TLN2: variants seen among roughly 807,000 people sequenced by gnomAD.
TLN2 encodes talin 2.
Under a neutral mutation model 294.7 loss-of-function variants are expected in TLN2, and 118 were observed. The observed-to-expected ratio is 0.40, with a 90% CI of 0.34 to 0.47. The LOEUF (loss-of-function observed/expected upper bound fraction) is 0.47. TLN2 is among the 20% of genes least tolerant of loss of function. The pLI, the probability that TLN2 is intolerant of heterozygous loss-of-function variation, is 0.84. For synonymous variants in TLN2, 1,431 were observed against 1,304.5 expected (o/e 1.10, Z -2.09); for missense variants, 3,083 against 3,282.2 (o/e 0.94, Z 1.48).
At chr15:62,574,165 G>A (rs962986767) in intron 1 of TLN2, among the ~76,000 whole-genome samples, 2 of 150,166 alleles carry the variant, frequency 1.3e-5, no homozygotes, top group African/African-American at 2.5e-5. Context: ...TCCAGGGACT[G>A]TCACTTCATT....
chr15:62,536,414 C>T (rs116181012), intron 1 of TLN2, among the ~76,000 whole-genome samples: 1,674 of 152,238 alleles, frequency 0.011, 35 homozygotes, highest in African/African-American at 0.037. Flanking sequence ...CTTGTTTTTT[C>T]TTCTGTGGCA....
intron 7 of TLN2, among the ~76,000 whole-genome samples, chr15:62,653,545 G>A (rs2052846299): frequency 6.6e-6 from 1 of 152,080 alleles, no homozygotes; most frequent in Admixed American, 6.6e-5. Flanking sequence ...CCAATATGGT[G>A]AAACCTCATC....
rs75160221 is a variant in TLN2, at chr15:62,427,331, A to G, written c.-238+36646A>G. Among the ~76,000 whole-genome samples, 121 of 152,240 alleles carry G rather than the reference A, an allele frequency of 7.9e-4. 1 individual carries two copies. Among genetic ancestry groups the G allele is most frequent in the African/African-American group, 2.8e-3 (116 of 41,542 alleles). On this transcript the variant is annotated intron_variant, in intron 1 of 58. Transcript: ENST00000636159. ...ACAGATCTATGGCTGGGCACAGAAA[A>G]TTCTGTCTACTTGGGGTTACTTACT...
rs143894400 is a variant in TLN2, at chr15:62,578,925, A to T, written c.-237-10762A>T. On this transcript the variant is annotated intron_variant, in intron 1 of 58. Transcript: ENST00000636159. Reference sequence around the variant, plus strand: ...CTTCTCTGTGTAGTCTTAGCACCCTATGTTGTGGACTGGTGTTAGAAAGAA... The same window carrying T: ...CTTCTCTGTGTAGTCTTAGCACCCTTTGTTGTGGACTGGTGTTAGAAAGAA... Among the ~76,000 whole-genome samples the T allele has an allele frequency of 5.3e-5, 8 of 152,228 alleles. No individual in the cohort carries two copies. In the East Asian group the frequency reaches 1.4e-3, roughly 26 times the overall value.
At chr15:62,616,260 C>T (rs747655624) in intron 2 of TLN2, among the ~76,000 whole-genome samples, 2 of 152,298 alleles carry the variant, frequency 1.3e-5, no homozygotes, top group Non-Finnish European at 2.9e-5. Flanking sequence ...TTGGGTTATA[C>T]GAATGCCCAT....
At chr15:62,799,381 G>T (rs934661439) in intron 48 of TLN2, among the ~76,000 whole-genome samples, 1 of 152,154 alleles carries the variant, frequency 6.6e-6, no homozygotes, top group South Asian at 2.1e-4. Flanking sequence ...TACTGGACTG[G>T]GAACGCTTAA....
chr15:62,458,847 A>G (rs1401846094), intron 1 of TLN2, among the ~76,000 whole-genome samples: 1 of 152,062 alleles, frequency 6.6e-6, no homozygotes, highest in African/African-American at 2.4e-5. Context: ...TTACTTAATC[A>G]GCATTTCTTC....
At chr15:62,668,968 C>A (rs1323043079) in intron 9 of TLN2, among the ~76,000 whole-genome samples, 1 of 152,204 alleles carries the variant, frequency 6.6e-6, no homozygotes, top group Admixed American at 6.5e-5. Context: ...TTTGAACTTA[C>A]ACATTTGTTG....
chr15:62,680,710 GT>G (rs1228327252), intron 11 of TLN2, among the ~76,000 whole-genome samples: 1 of 151,832 alleles, frequency 6.6e-6, no homozygotes, highest in Non-Finnish European at 1.5e-5. Flanking sequence ...TTACTGTATA[GT>G]TTTTTATCTG....
At chr15:62,775,121 T>C (rs2063619777) in intron 42 of TLN2, among the ~76,000 whole-genome samples, 1 of 152,022 alleles carries the variant, frequency 6.6e-6, no homozygotes, top group Non-Finnish European at 1.5e-5. Flanking sequence ...CACACCTGGC[T>C]CATTTTTTGT....
At chr15:62,638,272 C>A (rs2050611490) in intron 3 of TLN2, 1 of 325,114 alleles carries the variant, frequency 3.1e-6, no homozygotes, top group Admixed American at 4.2e-5. Flanking sequence ...AATTAGGCAT[C>A]ATCTTTAATA....
intron 1 of TLN2, among the ~76,000 whole-genome samples, chr15:62,545,898 T>A (rs953500844): frequency 6.6e-6 from 1 of 152,172 alleles, no homozygotes; most frequent in African/African-American, 2.4e-5. Context: ...TCACCATGCT[T>A]GGGAGAGAGT....
chr15:62,540,870 A>G (rs1369047440), intron 1 of TLN2, among the ~76,000 whole-genome samples: 2 of 152,176 alleles, frequency 1.3e-5, no homozygotes, highest in East Asian at 1.9e-4. Flanking sequence ...AGATATGCTC[A>G]TATGTCCCTA....
At chr15:62,630,187 G>GTTGA (rs762186798) in intron 3 of TLN2, among the ~76,000 whole-genome samples, 3 of 152,254 alleles carry the variant, frequency 2.0e-5, no homozygotes, top group Non-Finnish European at 4.4e-5. Context: ...TTATTAGTAG[G>GTTGA]TTGACTATCA....
intron 1 of TLN2, among the ~76,000 whole-genome samples, chr15:62,482,567 A>C (rs1351670323): frequency 7.1e-6 from 1 of 141,176 alleles, no homozygotes; most frequent in Admixed American, 7.8e-5. Context: ...GTGCCATCGC[A>C]CTCCAGCCTG....
At chr15:62,655,863 T>C in intron 7 of TLN2, 81 bp from the exon 8 acceptor site, 1 of 1,507,214 alleles carries the variant, frequency 6.6e-7, no homozygotes, top group Non-Finnish European at 9.1e-7. Context: ...GAAATCTGCA[T>C]CACACTGCTC....
intron 13 of TLN2, among the ~76,000 whole-genome samples, chr15:62,693,230 G>A (rs2058065915): frequency 6.6e-6 from 1 of 152,190 alleles, no homozygotes; most frequent in Non-Finnish European, 1.5e-5. Flanking sequence ...TACTCGGGAG[G>A]TGGAGGCAGG....
intron 1 of TLN2, among the ~76,000 whole-genome samples, chr15:62,462,801 C>G (rs2036880685): frequency 6.6e-6 from 1 of 152,210 alleles, no homozygotes. Context: ...GGACAGCATC[C>G]TCTGGCCATT....
chr15:62,746,875 G>T (rs572443860), intron 32 of TLN2, among the ~76,000 whole-genome samples: 2 of 152,290 alleles, frequency 1.3e-5, no homozygotes, highest in South Asian at 4.1e-4. Context: ...CTTATTTGTA[G>T]CATGCTCTTT....
Sources: gnomAD v4.1 joint callset for allele counts (sites outside exome capture counted in the v4.1 genomes callset) on GRCh38, gnomAD v4.1.1 for gene constraint, MANE v1.5 for transcripts, NCBI Gene and HGNC (gene_info 2026-07-23, HGNC 2026-07-21) for gene names.